BLVRA: variants seen among roughly 807,000 people sequenced by gnomAD.
BLVRA encodes the protein biliverdin reductase A.
A neutral mutation model predicts 32.8 loss-of-function variants in BLVRA; 22 were observed. The observed-to-expected ratio is 0.67, with a 90% CI of 0.48 to 0.96. The LOEUF (loss-of-function observed/expected upper bound fraction) is 0.96, where lower values mean the gene tolerates loss of function less well. Ranked by LOEUF, BLVRA falls within the 40% of genes least tolerant of loss-of-function variation. The pLI, the probability that BLVRA is intolerant of heterozygous loss-of-function variation, is 0.00. For missense variants in BLVRA, 323 were observed against 358.1 expected (o/e 0.90, Z 0.79); for synonymous variants, 119 against 141.3 (o/e 0.84, Z 1.12).
At chr7:43,781,588 C>G (rs1404834248) in intron 2 of BLVRA, among the ~76,000 whole-genome samples, 1 of 152,178 alleles carries the variant, frequency 6.6e-6, no homozygotes, top group Admixed American at 6.5e-5. Flanking sequence ...CCAAATGCCT[C>G]TCGACCTCCC....
At position 43,792,814 on chromosome 7, in the gene BLVRA, T is replaced by A. The variant is rs757137015; in HGVS notation, c.352+2T>A. The stretch of plus-strand genomic sequence containing the variant: ...TGTGGGAGCTGGCTGAGCAGAAAGG[T>A]AATGTATCTTACCAAGAGTTTCTGC... On this transcript the variant is annotated splice_donor_variant, in intron 5 of 7. Coordinates refer to ENST00000265523, the MANE Select transcript of BLVRA (RefSeq NM_000712.4). LOFTEE classifies it high-confidence loss of function. 3 of 1,613,496 alleles carry A rather than the reference T, an allele frequency of 1.9e-6. No homozygotes were observed. Among genetic ancestry groups the A allele is most frequent in the Non-Finnish European group, 2.5e-6 (3 of 1,179,614 alleles).
intron 1 of BLVRA, among the ~76,000 whole-genome samples, chr7:43,769,968 GTA>G (rs1405131740): frequency 6.6e-6 from 1 of 152,222 alleles, no homozygotes; most frequent in Non-Finnish European, 1.5e-5. Context: ...CCTTCCCCGG[GTA>G]GTCTTAAGGT....
At chr7:43,768,874 TCCCACCCCA>T (rs1364714429) in intron 1 of BLVRA, among the ~76,000 whole-genome samples, 1 of 151,350 alleles carries the variant, frequency 6.6e-6, no homozygotes, top group African/African-American at 2.4e-5. Context: ...GTGCTGGCGC[TCCCACCCCA>T]CCCACCACCT....
rs1327705259 is a variant in BLVRA, at chr7:43,793,716, T to C, written c.352+904T>C. The stretch of plus-strand genomic sequence containing the variant: ...TCAGCTCACTGCAACCTCCGCCTCC[T>C]GGGTTCAAGGGATTCTCCTTCCTCA... On this transcript the variant is annotated intron_variant, in intron 5 of 7. Transcript: ENST00000265523. Among the ~76,000 whole-genome samples the C allele has an allele frequency of 4.0e-5, 6 of 150,994 alleles. No homozygotes were observed. The East Asian group carries it at 9.8e-4, about 25-fold the overall frequency.
chr7:43,795,788 T>C (rs2095791960), intron 5 of BLVRA, among the ~76,000 whole-genome samples: 1 of 150,952 alleles, frequency 6.6e-6, no homozygotes, highest in African/African-American at 2.4e-5. Context: ...TCCATAAAAT[T>C]GACAGAATTT....
intron 3 of BLVRA, among the ~76,000 whole-genome samples, chr7:43,789,340 G>A (rs986228105): frequency 6.6e-6 from 1 of 151,806 alleles, no homozygotes; most frequent in Non-Finnish European, 1.5e-5. Context: ...ATCCTCTTCC[G>A]GCCTGTCTCA....
chr7:43,790,638 A>G (rs1358318522), intron 3 of BLVRA, among the ~76,000 whole-genome samples: 2 of 152,108 alleles, frequency 1.3e-5, no homozygotes, highest in African/African-American at 4.8e-5. Context: ...CATAGAGATC[A>G]CTTCTCATGA....
chr7:43,763,589 G>A (rs555295047), intron 1 of BLVRA, among the ~76,000 whole-genome samples: 15 of 152,304 alleles, frequency 9.8e-5, no homozygotes, highest in South Asian at 2.1e-4. Context: ...CACATACTGC[G>A]CACCCGTGGG....
At chr7:43,800,400 C>G in intron 5 of BLVRA, 65 bp from the exon 6 acceptor site, 5 of 1,436,382 alleles carry the variant, frequency 3.5e-6, no homozygotes, top group Admixed American at 1.7e-5. Context: ...GACAGAGTAC[C>G]CTCTGGGATG....
At chr7:43,794,921 G>T (rs953944690) in intron 5 of BLVRA, among the ~76,000 whole-genome samples, 4 of 152,060 alleles carry the variant, frequency 2.6e-5, no homozygotes, top group African/African-American at 9.7e-5. Flanking sequence ...GTTTAAAATA[G>T]ATTATGCAGT....
At chr7:43,790,384 A>T (rs1388618278) in intron 3 of BLVRA, among the ~76,000 whole-genome samples, 1 of 152,004 alleles carries the variant, frequency 6.6e-6, no homozygotes, top group Non-Finnish European at 1.5e-5. Context: ...TGGAGAACGA[A>T]TTCCTCACCT....
intron 2 of BLVRA, among the ~76,000 whole-genome samples, chr7:43,774,715 T>G (rs2095758700): frequency 1.3e-5 from 2 of 152,258 alleles, no homozygotes. Flanking sequence ...ATTGAATATA[T>G]AAATTACCTT....
intron 1 of BLVRA, among the ~76,000 whole-genome samples, chr7:43,768,179 T>C (rs933531782): frequency 2.6e-5 from 4 of 152,192 alleles, no homozygotes; most frequent in African/African-American, 9.7e-5. Context: ...ATTCTGCCTG[T>C]TATAAGAGTT....
chr7:43,763,203 G>A (rs1015995903), intron 1 of BLVRA, among the ~76,000 whole-genome samples: 2 of 152,188 alleles, frequency 1.3e-5, no homozygotes, highest in African/African-American at 4.8e-5. Context: ...GGGTAGGGAG[G>A]GGACCAGAGC....
chr7:43,764,584 A>C (rs2095745732), intron 1 of BLVRA, among the ~76,000 whole-genome samples: 1 of 152,134 alleles, frequency 6.6e-6, no homozygotes. Context: ...GGTGGGGAAG[A>C]GAGTGGCTTC....
Position 43,771,092 on chromosome 7 carries a change from G to C in BLVRA, c.-21-46G>C, listed in dbSNP as rs2095754167. ...AAAGGGGAATGTTTGCCTGGAGTTTGGGCAGGTGCCACCAGGGACCTGAAC... is the reference window on the plus strand; with the variant it reads ...AAAGGGGAATGTTTGCCTGGAGTTTCGGCAGGTGCCACCAGGGACCTGAAC... On this transcript the variant is annotated intron_variant, in intron 1 of 7. Transcript: ENST00000265523. The C allele has an allele frequency of 4.5e-6, 7 of 1,564,858 alleles. No homozygotes were observed. The Admixed American group carries it at 1.2e-4, about 26-fold the overall frequency.
chr7:43,762,384 A>G (rs10486752), intron 1 of BLVRA, among the ~76,000 whole-genome samples: 20,936 of 151,742 alleles, frequency 0.14, 1,543 homozygotes, highest in East Asian at 0.22. Flanking sequence ...AAAATCACTA[A>G]TTTATTGCTG....
At chr7:43,806,916 A>T (rs2095804572) in intron 7 of BLVRA, 61 bp from the exon 8 acceptor site, 1 of 1,600,262 alleles carries the variant, frequency 6.2e-7, no homozygotes, top group African/African-American at 1.3e-5. Flanking sequence ...GGTGCCAGCA[A>T]GCACCCACTT....
At chr7:43,759,108 G>T (rs1055947779) in intron 1 of BLVRA, among the ~76,000 whole-genome samples, 1 of 152,218 alleles carries the variant, frequency 6.6e-6, no homozygotes, top group Non-Finnish European at 1.5e-5. Context: ...AGCGCGAGCG[G>T]CTGGGCCCGG....
Sources: gnomAD v4.1 joint callset for allele counts (sites outside exome capture counted in the v4.1 genomes callset) on GRCh38, gnomAD v4.1.1 for gene constraint, MANE v1.5 for transcripts, NCBI Gene and HGNC (gene_info 2026-07-23, HGNC 2026-07-21) for gene names.